The following DOK5 variants were observed in gnomAD, a reference collection of about 807,000 sequenced individuals.
DOK5 encodes docking protein 5.
A neutral mutation model predicts 43.3 loss-of-function variants in DOK5; 27 were observed. The ratio of observed to expected loss-of-function variants is 0.62; its 90% CI spans 0.46 to 0.86. The LOEUF (loss-of-function observed/expected upper bound fraction) is 0.86, where lower values mean the gene tolerates loss of function less well. DOK5 is among the 40% of genes least tolerant of loss of function. The pLI is 0.00. For missense variants in DOK5, 373 were observed against 392.9 expected, an observed-to-expected ratio of 0.95 and a Z score of 0.43; for synonymous variants, 146 against 140.1, an observed-to-expected ratio of 1.04 and a Z score of -0.30.
At chr20:54,559,829 T>C (rs183565011) in intron 2 of DOK5, among the ~76,000 whole-genome samples, 1 of 152,390 alleles carries the variant, frequency 6.6e-6, no homozygotes, top group East Asian at 1.9e-4. Flanking sequence ...GATGATCGTT[T>C]CTACTTTATC....
At chr20:54,585,407 T>C (rs974013299) in intron 2 of DOK5, among the ~76,000 whole-genome samples, 5 of 152,256 alleles carry the variant, frequency 3.3e-5, no homozygotes, top group Non-Finnish European at 7.3e-5. Flanking sequence ...TTCAGGTGAC[T>C]ATCTCTTCCT....
chr20:54,498,891 A>G (rs1252883841), intron 1 of DOK5, among the ~76,000 whole-genome samples: 1 of 152,240 alleles, frequency 6.6e-6, no homozygotes, highest in Non-Finnish European at 1.5e-5. Context: ...TAATGCAAAT[A>G]TAGAAATATG....
rs57878312 is a variant in DOK5 at position 54,580,549 on chromosome 20, T to C, written c.175-7934T>C. Among the ~76,000 whole-genome samples, 879 of 152,160 alleles carry C rather than the reference T, an allele frequency of 5.8e-3. 11 individuals are homozygous for C. The highest frequency in any genetic ancestry group is 0.02 in the African/African-American group (830 of 41,520). ...CTGTGGGGTTGTTTTTTTCTGATAATAGCCATCCTAAGAGATAGGAGGATG... is the reference window on the plus strand; with the variant it reads ...CTGTGGGGTTGTTTTTTTCTGATAACAGCCATCCTAAGAGATAGGAGGATG... On this transcript the variant is annotated intron_variant, in intron 2 of 7. Coordinates refer to ENST00000262593, the MANE Select transcript of DOK5 (RefSeq NM_018431.5).
chr20:54,643,211 T>C (rs1397846758), intron 6 of DOK5, among the ~76,000 whole-genome samples: 9 of 152,086 alleles, frequency 5.9e-5, no homozygotes, highest in Non-Finnish European at 1.2e-4. Context: ...GGGACTTAGC[T>C]GGGTTGGAGG....
intron 1 of DOK5, among the ~76,000 whole-genome samples, chr20:54,540,169 A>G (rs1013130653): frequency 6.6e-6 from 1 of 152,108 alleles, no homozygotes; most frequent in Non-Finnish European, 1.5e-5. Context: ...CTCTACAAAA[A>G]TACCTATTGG....
rs533332928 is a variant in DOK5, at chr20:54,558,285, A to G, written c.174+3245A>G. 2.6e-5 allele frequency among the ~76,000 whole-genome samples: 4 copies of G among 152,350 alleles called. No homozygotes were observed. The East Asian group carries it at 7.7e-4, about 29-fold the overall frequency. On this transcript the variant is annotated intron_variant, in intron 2 of 7. Coordinates refer to ENST00000262593, the MANE Select transcript of DOK5 (RefSeq NM_018431.5). ...AAATGAATAAAGGGAAGTTGAGGAC[A>G]AACTTGCTCTATTTCAGACTTCTAC... is the stretch of plus-strand genomic sequence containing the variant.
chr20:54,506,921 G>A (rs1390518979), intron 1 of DOK5, among the ~76,000 whole-genome samples: 3 of 152,130 alleles, frequency 2.0e-5, no homozygotes, highest in African/African-American at 4.8e-5. Context: ...GACTCTGCCT[G>A]GGTCCTAAAC....
chr20:54,525,404 G>C (rs80188484), intron 1 of DOK5, among the ~76,000 whole-genome samples: 2 of 152,186 alleles, frequency 1.3e-5, no homozygotes, highest in Admixed American at 1.3e-4. Flanking sequence ...CAGGGAATAT[G>C]CACTGTCAGA....
At chr20:54,570,318 G>A (rs192081798) in intron 2 of DOK5, among the ~76,000 whole-genome samples, 28 of 152,264 alleles carry the variant, frequency 1.8e-4, no homozygotes, top group Admixed American at 6.5e-4. Flanking sequence ...TTTCATGTTA[G>A]TTTTATTTTT....
intron 1 of DOK5, among the ~76,000 whole-genome samples, chr20:54,549,837 G>A (rs1252087708): frequency 1.3e-5 from 2 of 152,034 alleles, no homozygotes; most frequent in African/African-American, 4.8e-5. Context: ...CACATTCTTG[G>A]GGCATGTACA....
chr20:54,588,625 T>G (rs776597098), intron 3 of DOK5, 28 bp downstream of exon 3: 1 of 1,614,038 alleles, frequency 6.2e-7, no homozygotes, highest in South Asian at 1.1e-5. Flanking sequence ...CTGGGGGGCT[T>G]TTGCTTTTAG....
intron 2 of DOK5, among the ~76,000 whole-genome samples, chr20:54,579,921 C>G (rs974107733): frequency 6.6e-6 from 1 of 152,040 alleles, no homozygotes; most frequent in African/African-American, 2.4e-5. Context: ...CTAATGCTAT[C>G]CCTCCCCTAG....
At chr20:54,648,556 G>A (rs1291461812) in intron 7 of DOK5, among the ~76,000 whole-genome samples, 1 of 152,044 alleles carries the variant, frequency 6.6e-6, no homozygotes, top group Non-Finnish European at 1.5e-5. Context: ...ATTCTCCATA[G>A]AGAGGTCAGC....
At chr20:54,546,593 T>C (rs1421889174) in intron 1 of DOK5, among the ~76,000 whole-genome samples, 3 of 142,710 alleles carry the variant, frequency 2.1e-5, no homozygotes, top group African/African-American at 7.8e-5. Flanking sequence ...GTTCCCCACC[T>C]TGTGTCCAAG....
At chr20:54,571,337 T>G (rs542461788) in intron 2 of DOK5, among the ~76,000 whole-genome samples, 26 of 138,560 alleles carry the variant, frequency 1.9e-4, no homozygotes, top group South Asian at 8.3e-4. Context: ...TTCTCATGGT[T>G]AAAGGTCAAC....
Position 54,611,688 on chromosome 20 carries a change from A to G in DOK5, c.735+1165A>G, listed in dbSNP as rs569845294. Among the ~76,000 whole-genome samples, 14 of 152,380 alleles carry G rather than the reference A, an allele frequency of 9.2e-5. No individual in the cohort carries two copies. In the South Asian group the frequency reaches 2.3e-3, roughly 25 times the overall value. On this transcript the variant is annotated intron_variant, in intron 6 of 7. Transcript: ENST00000262593. Reference sequence around the variant, plus strand: ...AATGCACATCATGCGTTGTGGCTGCAAATGTATATATAGAGCTTCACATCT... The same window carrying G: ...AATGCACATCATGCGTTGTGGCTGCGAATGTATATATAGAGCTTCACATCT...
At chr20:54,542,018 T>C (rs1984177258) in intron 1 of DOK5, among the ~76,000 whole-genome samples, 2 of 151,622 alleles carry the variant, frequency 1.3e-5, no homozygotes, top group South Asian at 4.2e-4. Context: ...AAAATCACAA[T>C]ACCCACCACT....
intron 7 of DOK5, among the ~76,000 whole-genome samples, chr20:54,649,886 C>G (rs1341195092): frequency 6.6e-6 from 1 of 152,206 alleles, no homozygotes; most frequent in East Asian, 1.9e-4. Flanking sequence ...AAATGCTTGA[C>G]AACCCTTATA....
chr20:54,610,120 C>A (rs894438210), intron 5 of DOK5, among the ~76,000 whole-genome samples: 1 of 152,094 alleles, frequency 6.6e-6, no homozygotes, highest in African/African-American at 2.4e-5. Flanking sequence ...AATCAAGAAA[C>A]AGCTTTTTTT....
Sources: allele counts gnomAD v4.1 joint callset (sites outside exome capture counted in the v4.1 genomes callset), GRCh38; gene constraint gnomAD v4.1.1; transcripts MANE v1.5; gene names NCBI Gene and HGNC (gene_info 2026-07-23, HGNC 2026-07-21).